PLXDC2: variants seen among roughly 807,000 people sequenced by gnomAD.
The protein encoded by PLXDC2 is plexin domain-containing protein 2.
In PLXDC2, 40 loss-of-function variants were observed where a neutral mutation model predicts 68.9. The observed-to-expected ratio is 0.58, with a 90% CI of 0.45 to 0.76. The LOEUF is 0.76. PLXDC2 is among the 30% of genes least tolerant of loss of function. PLXDC2 has a pLI of 0.00. For missense variants in PLXDC2, 644 were observed against 661.9 expected (o/e 0.97, Z 0.30); for synonymous variants, 243 against 234.2 (o/e 1.04, Z -0.34).
intron 4 of PLXDC2, among the ~76,000 whole-genome samples, chr10:20,112,981 C>T (rs2131750140): frequency 6.6e-6 from 1 of 152,264 alleles, no homozygotes; most frequent in Middle Eastern, 3.4e-3. Context: ...AGTAGTTTGC[C>T]AGTGTGTGTT....
intron 3 of PLXDC2, among the ~76,000 whole-genome samples, chr10:20,065,743 G>T (rs373208902): frequency 6.6e-6 from 1 of 152,198 alleles, no homozygotes; most frequent in Non-Finnish European, 1.5e-5. Flanking sequence ...CGCATGTGCA[G>T]TTCACAATAG....
chr10:20,228,670 C>CAGGA (rs139611942), intron 12 of PLXDC2, among the ~76,000 whole-genome samples: 5,176 of 149,038 alleles, frequency 0.035, 266 homozygotes, highest in African/African-American at 0.12. Flanking sequence ...AAGAAGGAAG[C>CAGGA]AGGAAGGAAG....
At chr10:20,046,776 CTA>C in intron 2 of PLXDC2, 91 bp from the exon 3 acceptor site, 2 of 1,310,976 alleles carry the variant, frequency 1.5e-6, no homozygotes, top group East Asian at 4.8e-5. Context: ...CTTTTAAAAA[CTA>C]TTAATACTCT....
chr10:19,874,252 C>G (rs1365889443), intron 1 of PLXDC2, among the ~76,000 whole-genome samples: 1 of 152,160 alleles, frequency 6.6e-6, no homozygotes, highest in African/African-American at 2.4e-5. Flanking sequence ...ATGCAGTAGA[C>G]CTGCAGAGCA....
intron 1 of PLXDC2, among the ~76,000 whole-genome samples, chr10:19,999,968 T>C (rs1834907167): frequency 6.6e-6 from 1 of 152,150 alleles, no homozygotes; most frequent in South Asian, 2.1e-4. Context: ...GCAAACCTAC[T>C]AGACAGAATT....
At chr10:20,183,781 C>T (rs1195953223) in intron 9 of PLXDC2, among the ~76,000 whole-genome samples, 2 of 151,972 alleles carry the variant, frequency 1.3e-5, no homozygotes, top group Non-Finnish European at 2.9e-5. Context: ...CCCATTTTGG[C>T]TGTTACTATC....
At chr10:20,035,573 G>A (rs1001254576) in intron 2 of PLXDC2, among the ~76,000 whole-genome samples, 2 of 151,966 alleles carry the variant, frequency 1.3e-5, no homozygotes, top group African/African-American at 4.8e-5. Context: ...GTGCGTGCCT[G>A]TAATCCCAGC....
intron 9 of PLXDC2, among the ~76,000 whole-genome samples, chr10:20,189,274 A>G (rs537684850): frequency 1.3e-5 from 2 of 150,866 alleles, no homozygotes; most frequent in South Asian, 4.2e-4. Flanking sequence ...AATGCTTTTG[A>G]AAAAAATACA....
At chr10:19,836,415 A>G (rs1309636066) in intron 1 of PLXDC2, among the ~76,000 whole-genome samples, 1 of 152,200 alleles carries the variant, frequency 6.6e-6, no homozygotes, top group African/African-American at 2.4e-5. Context: ...CAAAAATGCA[A>G]CTTGACTTTA....
At chr10:20,166,879 A>G (rs1834383349) in intron 7 of PLXDC2, among the ~76,000 whole-genome samples, 2 of 152,176 alleles carry the variant, frequency 1.3e-5, no homozygotes, top group Non-Finnish European at 2.9e-5. Flanking sequence ...TGTTGGGGGA[A>G]AAATATTTTC....
chr10:20,051,839 G>C (rs981722040), intron 3 of PLXDC2, among the ~76,000 whole-genome samples: 3 of 151,934 alleles, frequency 2.0e-5, no homozygotes, highest in African/African-American at 7.2e-5. Flanking sequence ...TTTCTCAAGA[G>C]GGCCAGATAA....
rs567092446 is a variant in PLXDC2, at chr10:19,859,619, A to G, written c.112+42428A>G. On this transcript the variant is annotated intron_variant, in intron 1 of 13. Coordinates refer to ENST00000377252, the MANE Select transcript of PLXDC2 (RefSeq NM_032812.9). ...TATCCCCATTTGTTAAAGCCTTTCC[A>G]TGTGGAAAATGCACAGTATAGCATT... 3.9e-5 allele frequency among the ~76,000 whole-genome samples: 6 copies of G among 152,298 alleles called. No individual in the cohort carries two copies. The South Asian group carries it at 1.2e-3, about 32-fold the overall frequency.
intron 1 of PLXDC2, among the ~76,000 whole-genome samples, chr10:19,981,761 A>G (rs959229061): frequency 6.6e-6 from 1 of 152,246 alleles, no homozygotes; most frequent in Non-Finnish European, 1.5e-5. Context: ...ATATAAACAC[A>G]AAAAGTTGAA....
intron 12 of PLXDC2, among the ~76,000 whole-genome samples, chr10:20,234,832 G>A (rs1240979492): frequency 6.6e-6 from 1 of 152,022 alleles, no homozygotes; most frequent in African/African-American, 2.4e-5. Flanking sequence ...AGTGTCTAAG[G>A]TTCCAGTACT....
At chr10:20,255,616 A>T (rs1355794223) in intron 13 of PLXDC2, among the ~76,000 whole-genome samples, 1 of 152,168 alleles carries the variant, frequency 6.6e-6, no homozygotes. Context: ...TCTAGCAAAC[A>T]TACCAAACAA....
chr10:20,093,902 T>C (rs2131732882), intron 4 of PLXDC2, among the ~76,000 whole-genome samples: 1 of 152,174 alleles, frequency 6.6e-6, no homozygotes, highest in South Asian at 2.1e-4. Context: ...CTCAAACTAC[T>C]GAATTCAGGC....
intron 1 of PLXDC2, among the ~76,000 whole-genome samples, chr10:19,916,482 A>G (rs1038235490): frequency 2.6e-5 from 4 of 151,938 alleles, no homozygotes; most frequent in African/African-American, 7.3e-5. Flanking sequence ...TTCAAAATAC[A>G]TATGGATACA....
At position 20,284,022 on chromosome 10, in the gene PLXDC2, A is replaced by G. The variant is rs139555757; in HGVS notation, c.*4203A>G. On this transcript the variant is annotated 3_prime_UTR_variant, in exon 14 of 14. Transcript: ENST00000377252. ...AAATTTGATCACGTCCCTAGTGTCT[A>G]TTGCCCACTTGAGAAAGGTTTTGCC... The G allele has an allele frequency of 1.7e-3, 253 of 152,178 alleles. No homozygotes were observed. The highest frequency in any genetic ancestry group is 6.0e-3 in the African/African-American group (248 of 41,520). The allele number at this position is 152,178 out of a possible 1,614,324, so 9.4% of individuals were successfully genotyped here.
intron 1 of PLXDC2, among the ~76,000 whole-genome samples, chr10:19,953,879 G>A (rs1173172495): frequency 6.6e-6 from 1 of 151,702 alleles, no homozygotes; most frequent in Non-Finnish European, 1.5e-5. Context: ...ATGAAATGAT[G>A]TTCTTCCAAG....
Sources: gnomAD v4.1 joint callset for allele counts (sites outside exome capture counted in the v4.1 genomes callset) on GRCh38, gnomAD v4.1.1 for gene constraint, MANE v1.5 for transcripts, NCBI Gene and HGNC (gene_info 2026-07-23, HGNC 2026-07-21) for gene names.